SLC15A2: variants seen among roughly 807,000 people sequenced by gnomAD.
SLC15A2 encodes the protein kidney H(+)/peptide cotransporter.
In SLC15A2, 77 loss-of-function variants were observed where a neutral mutation model predicts 95.5. That is an observed-to-expected ratio of 0.81 (90% CI 0.67 to 0.97). The LOEUF is 0.97. Among genes scored for constraint, SLC15A2 ranks in the 50% least tolerant of loss-of-function variants. SLC15A2 has a pLI of 0.00. For synonymous variants in SLC15A2, 306 were observed against 306.9 expected (o/e 1.00, Z 0.03); for missense variants, 893 against 874.4 (o/e 1.02, Z -0.27).
At chr3:121,919,790 G>C (rs957887152) in intron 7 of SLC15A2, among the ~76,000 whole-genome samples, 1 of 152,172 alleles carries the variant, frequency 6.6e-6, no homozygotes, top group African/African-American at 2.4e-5. Context: ...ATTCAAGAGA[G>C]GATATTGAGC....
At chr3:121,914,534 G>A (rs1396472191) in intron 5 of SLC15A2, among the ~76,000 whole-genome samples, 1 of 152,134 alleles carries the variant, frequency 6.6e-6, no homozygotes, top group African/African-American at 2.4e-5. Flanking sequence ...TGACTCCACT[G>A]TCCTATGTTC....
intron 3 of SLC15A2, among the ~76,000 whole-genome samples, chr3:121,901,281 T>C (rs967198444): frequency 2.0e-5 from 3 of 152,224 alleles, no homozygotes; most frequent in Non-Finnish European, 4.4e-5. Context: ...TCTCCCAAAC[T>C]GCTGGGATTA....
intron 3 of SLC15A2, among the ~76,000 whole-genome samples, chr3:121,900,527 A>G (rs1000427025): frequency 1.3e-5 from 2 of 152,172 alleles, no homozygotes; most frequent in African/African-American, 4.8e-5. Flanking sequence ...CTATTAAATC[A>G]CTGTCTACTA....
chr3:121,939,526 G>T (rs966388795), intron 20 of SLC15A2, 31 bp downstream of exon 20: 12 of 1,469,644 alleles, frequency 8.2e-6, no homozygotes, highest in Admixed American at 2.6e-5. Flanking sequence ...GGTAGAAATT[G>T]AGGCATTGCT....
intron 19 of SLC15A2, among the ~76,000 whole-genome samples, chr3:121,934,671 A>G (rs1265770833): frequency 1.3e-5 from 2 of 152,170 alleles, no homozygotes; most frequent in Non-Finnish European, 2.9e-5. Context: ...GGGCTGAGAC[A>G]ATGGGGTTTT....
In SLC15A2 at chr3:121,927,817, C is replaced by A; in HGVS notation, c.1184C>A (p.Ala395Glu). 1 of 1,613,466 alleles carries A rather than the reference C, an allele frequency of 6.2e-7. No homozygotes were observed. Among genetic ancestry groups the A allele is most frequent in the Non-Finnish European group, 8.5e-7 (1 of 1,179,410 alleles). ...ILACLAFAVA[A>E]AVEIKINEMA... ...GCATGCCTGGCATTTGCAGTTGCGG[C>A]AGCTGTAGAGATAAAAATAAATGTG... Residue 395 changes from alanine to glutamate, a missense_variant, in exon 14 of 22, where the codon GCA becomes GAA. By Grantham distance (107) the Ala-to-Glu change is moderately radical (BLOSUM62 -1). Transcript: ENST00000489711.
intron 3 of SLC15A2, 104 bp downstream of exon 3, chr3:121,897,633 G>A (rs886827615): frequency 5.2e-5 from 59 of 1,141,694 alleles, no homozygotes; most frequent in Middle Eastern, 2.6e-4. Flanking sequence ...TATGTCATGC[G>A]TGAAAAATAA....
chr3:121,915,876 G>A (rs1195684506), intron 7 of SLC15A2, among the ~76,000 whole-genome samples, 183 bp downstream of exon 7: 1 of 152,082 alleles, frequency 6.6e-6, no homozygotes, highest in African/African-American at 2.4e-5. Context: ...GAAACTTTAA[G>A]AAAAAAGTGC....
At chr3:121,931,867 A>G in intron 19 of SLC15A2, 132 bp downstream of exon 19, 1 of 608,136 alleles carries the variant, frequency 1.6e-6, no homozygotes, top group Non-Finnish European at 2.9e-6. Flanking sequence ...TTCTAGCATA[A>G]GATGACAGGT....
intron 8 of SLC15A2, among the ~76,000 whole-genome samples, 180 bp downstream of exon 8, chr3:121,922,482 T>TA (rs34354261): frequency 0.45 from 67,745 of 151,890 alleles, 15,645 homozygotes; most frequent in East Asian, 0.69. Context: ...ACCATTAAGT[T>TA]AAAAAAAGTA....
intron 17 of SLC15A2, among the ~76,000 whole-genome samples, chr3:121,930,256 A>G (rs1294988285): frequency 6.6e-6 from 1 of 152,180 alleles, no homozygotes; most frequent in Non-Finnish European, 1.5e-5. Context: ...TGAGAGGACA[A>G]TCTAGGTGCC....
At chr3:121,897,222 C>T (rs1391377690) in intron 2 of SLC15A2, among the ~76,000 whole-genome samples, 166 bp from the exon 3 acceptor site, 1 of 151,964 alleles carries the variant, frequency 6.6e-6, no homozygotes, top group African/African-American at 2.4e-5. Flanking sequence ...CCATGGGGCC[C>T]TGCTTCTACT....
intron 3 of SLC15A2, among the ~76,000 whole-genome samples, chr3:121,910,664 A>G (rs1457753962): frequency 3.3e-5 from 5 of 152,330 alleles, no homozygotes; most frequent in Middle Eastern, 3.4e-3. Flanking sequence ...CCACATTAGC[A>G]TAAAACACCT....
chr3:121,898,031 G>A (rs1709452477), intron 3 of SLC15A2, among the ~76,000 whole-genome samples: 3 of 151,854 alleles, frequency 2.0e-5, no homozygotes, highest in South Asian at 2.1e-4. Flanking sequence ...GCATGGTGGC[G>A]GGCACCTGTA....
chr3:121,939,925 C>T (rs970970689), intron 20 of SLC15A2, among the ~76,000 whole-genome samples: 1 of 152,000 alleles, frequency 6.6e-6, no homozygotes, highest in African/African-American at 2.4e-5. Flanking sequence ...CCTGCCTCAG[C>T]CTCTTGAGTA....
chr3:121,942,154 A>G lies in SLC15A2; in HGVS notation c.*1147A>G, dbSNP rs1394224689. 1.3e-5 allele frequency: 2 copies of G among 152,236 alleles called. No individual in the cohort carries two copies. The highest frequency in any genetic ancestry group is 6.5e-5 in the Admixed American group (1 of 15,288). 9.4% of individuals were successfully genotyped at this position (152,236 alleles called of 1,614,324 possible). ...TTGAGGTTCTAAAATGGAAATGTCA[A>G]TAGAGGAGCATGGTCCTATGTGAGG... On this transcript the variant is annotated 3_prime_UTR_variant, in exon 22 of 22. Coordinates refer to ENST00000489711, the MANE Select transcript of SLC15A2 (RefSeq NM_021082.4).
At chr3:121,920,056 T>C (rs115659555) in intron 7 of SLC15A2, among the ~76,000 whole-genome samples, 112 of 152,324 alleles carry the variant, frequency 7.4e-4, no homozygotes, top group African/African-American at 2.6e-3. Flanking sequence ...CATCATCTAC[T>C]AGAAGGAGTA....
rs1405054539 is a variant in SLC15A2 at position 121,941,195 on chromosome 3, C to T, written c.*188C>T. ...AAACAAGGCCCCAGAGACTCTATGT[C>T]TGCCCGTCCATCAGTGAACTCATTA... On this transcript the variant is annotated 3_prime_UTR_variant, in exon 22 of 22. Coordinates refer to ENST00000489711, the MANE Select transcript of SLC15A2 (RefSeq NM_021082.4). 5 of 534,652 alleles carry T rather than the reference C, an allele frequency of 9.4e-6. No individual in the cohort carries two copies. Among genetic ancestry groups the T allele is most frequent in the Non-Finnish European group, 1.6e-5 (5 of 303,762 alleles). 33.1% of individuals were successfully genotyped at this position (534,652 alleles called of 1,614,324 possible). A position where few individuals can be genotyped will look rare whatever the true frequency, so the allele number is the denominator to read the frequency against.
rs1254028901 is a variant in SLC15A2 at position 121,924,999 on chromosome 3, T to C, written c.1090T>C (p.Tyr364His). 1 of 1,613,438 alleles carries C rather than the reference T, an allele frequency of 6.2e-7. No homozygotes were observed. The highest frequency in any genetic ancestry group is 1.1e-5 in the South Asian group (1 of 91,070). ...CATCCCGTTGTTTGACTTTGTCATT[T>C]ATCGTCTGGTCTCCAAGTGTGGAAT... is the stretch of plus-strand genomic sequence containing the variant. ...IFIPLFDFVI[Y>H]RLVSKCGINF... The change falls in exon 13 of 22, where the codon TAT becomes CAT. Residue 364 changes from tyrosine to histidine, a missense_variant. Transcript: ENST00000489711.
Sources: gnomAD v4.1 joint callset for allele counts (sites outside exome capture counted in the v4.1 genomes callset) on GRCh38, gnomAD v4.1.1 for gene constraint, MANE v1.5 for transcripts, NCBI Gene and HGNC (gene_info 2026-07-23, HGNC 2026-07-21) for gene names.